Variants in RDX observed in about 807,000 individuals in gnomAD.
RDX encodes the protein deafness, autosomal recessive 24.
RDX carries 32 observed loss-of-function variants against 83.7 expected under a neutral mutation model. The observed-to-expected ratio is 0.38, with a 90% CI of 0.29 to 0.51. The LOEUF (loss-of-function observed/expected upper bound fraction) is 0.51. Ranked by LOEUF, RDX falls within the 20% of genes least tolerant of loss-of-function variation. The pLI, the probability that RDX is intolerant of heterozygous loss-of-function variation, is 0.87. For synonymous variants in RDX, 229 were observed against 222.7 expected (o/e 1.03, Z -0.25); for missense variants, 600 against 689.9 (o/e 0.87, Z 1.46).
chr11:110,253,959 T>C lies in RDX; in HGVS notation c.946A>G (p.Lys316Glu), dbSNP rs1283154489. Residue 316 changes from lysine (K) to glutamate (E), a missense_variant, in exon 9 of 14, where the codon AAG becomes GAG. Transcript: ENST00000645495. ...TAAACCCCATACCTTTCCAACTGCT[T>C]CTGATGTTTCTCCTCCCTAGCCTGA... is the stretch of plus-strand genomic sequence containing the variant. ...KAQAREEKHQ[K>E]QLERAQLENE... The C allele has an allele frequency of 6.2e-7, 1 of 1,613,480 alleles. No homozygotes were observed. The highest frequency in any genetic ancestry group is 8.5e-7 in the Non-Finnish European group (1 of 1,179,746).
At chr11:110,215,808 T>C (rs758340776) in intron 14 of RDX, among the ~76,000 whole-genome samples, 9 of 152,242 alleles carry the variant, frequency 5.9e-5, no homozygotes, top group Non-Finnish European at 1.2e-4. Context: ...ATGCGGAGTT[T>C]GCCACTGTGG....
At chr11:110,205,392 T>C (rs1243348588) in intron 14 of RDX, among the ~76,000 whole-genome samples, 1 of 40,518 alleles carries the variant, frequency 2.5e-5, no homozygotes, top group Non-Finnish European at 4.9e-5. Flanking sequence ...GAATAATTTA[T>C]AAATTAAGCT....
chr11:110,218,265 C>T (rs1035509001), intron 14 of RDX, among the ~76,000 whole-genome samples: 4 of 150,894 alleles, frequency 2.7e-5, no homozygotes, highest in Non-Finnish European at 4.4e-5. Context: ...GCAGAAGACA[C>T]ACAGTTAAGT....
intron 14 of RDX, among the ~76,000 whole-genome samples, chr11:110,216,532 AT>A (rs1048294109): frequency 7.6e-6 from 1 of 131,860 alleles, no homozygotes; most frequent in African/African-American, 2.9e-5. Context: ...TACCACACCA[AT>A]TTTTTTTCTT....
chr11:110,262,480 G>A (rs1186501823), intron 5 of RDX, among the ~76,000 whole-genome samples: 1 of 152,042 alleles, frequency 6.6e-6, no homozygotes, highest in African/African-American at 2.4e-5. Flanking sequence ...AGCTGCTCAG[G>A]AGGAGACTGA....
intron 3 of RDX, among the ~76,000 whole-genome samples, chr11:110,267,049 T>C (rs1278254343): frequency 6.6e-6 from 1 of 151,834 alleles, no homozygotes; most frequent in Non-Finnish European, 1.5e-5. Flanking sequence ...ACCACAGGCA[T>C]GCACCACCAA....
At chr11:110,281,673 C>T (rs1178731200) in intron 1 of RDX, among the ~76,000 whole-genome samples, 1 of 152,026 alleles carries the variant, frequency 6.6e-6, no homozygotes, top group African/African-American at 2.4e-5. Flanking sequence ...CTTATCATTT[C>T]CTAGCTTATT....
At chr11:110,244,486 T>C (rs903351355) in intron 10 of RDX, among the ~76,000 whole-genome samples, 1 of 152,026 alleles carries the variant, frequency 6.6e-6, no homozygotes, top group Non-Finnish European at 1.5e-5. Context: ...TTTTGCATGA[T>C]TCCATTCATA....
At chr11:110,272,449 G>A in intron 3 of RDX, 87 bp downstream of exon 3, 2 of 895,282 alleles carry the variant, frequency 2.2e-6, no homozygotes, top group Non-Finnish European at 1.8e-6. Context: ...TGGATTATCA[G>A]CAAAAGTACA....
Position 110,218,626 on chromosome 11 carries a change from AC to A in RDX, c.1748+13246del, listed in dbSNP as rs1317466259. Reference sequence around the variant, plus strand: ...TCATGATTTTCTAGTATTTCACGGTACTACCTTCTGAATCCCAAACTTTACG... The same window carrying A: ...TCATGATTTTCTAGTATTTCACGGTATACCTTCTGAATCCCAAACTTTACG... On this transcript the variant is annotated intron_variant, in intron 14 of 15. Coordinates refer to the RDX transcript ENST00000528498. Among the ~76,000 whole-genome samples the A allele has an allele frequency of 6.6e-5, 10 of 152,194 alleles. 1 individual carries two copies. Among genetic ancestry groups the A allele is most frequent in the Admixed American group, 3.3e-4 (5 of 15,266 alleles).
Position 110,231,984 on chromosome 11 carries a change from T to G in RDX, c.1637A>C (p.Gln546Pro). 1 of 1,614,172 alleles carries G rather than the reference T, an allele frequency of 6.2e-7. No homozygotes were observed. Residue 546 changes from glutamine to proline, a missense_variant, in exon 14 of 14, where the codon CAA becomes CCA. By Grantham distance (76) the Gln-to-Pro change is moderately conservative. Coordinates refer to ENST00000645495, the MANE Select transcript of RDX (RefSeq NM_002906.4). Reference sequence around the variant, plus strand: ...ATTCTCAGCATGAAGAACATCATTTTGTGTTTTCTTGGTTTCATCTCTGGC... The same window carrying G: ...ATTCTCAGCATGAAGAACATCATTTGGTGTTTTCTTGGTTTCATCTCTGGC... ...AQARDETKKT[Q>P]NDVLHAENVK...
chr11:110,182,148 C>T (rs1007337559), intron 15 of RDX, among the ~76,000 whole-genome samples: 2 of 152,220 alleles, frequency 1.3e-5, no homozygotes, highest in African/African-American at 4.8e-5. Flanking sequence ...GAGCTCTCAG[C>T]GAGTGAGGAC....
chr11:110,232,475 CATA>C (rs1384932637), intron 13 of RDX, among the ~76,000 whole-genome samples: 1 of 152,056 alleles, frequency 6.6e-6, no homozygotes, highest in Non-Finnish European at 1.5e-5. Flanking sequence ...AAAGAAAGCT[CATA>C]ATATTAAAAT....
intron 8 of RDX, among the ~76,000 whole-genome samples, chr11:110,254,640 T>A (rs1420522937): frequency 6.6e-6 from 1 of 152,026 alleles, no homozygotes; most frequent in East Asian, 1.9e-4. Context: ...CACATCTGAC[T>A]AATATTTGTA....
At chr11:110,266,262 A>G (rs927871926) in intron 3 of RDX, among the ~76,000 whole-genome samples, 4 of 151,830 alleles carry the variant, frequency 2.6e-5, no homozygotes, top group Non-Finnish European at 5.9e-5. Context: ...GAACCCGGGA[A>G]GCGGAGCTTG....
At chr11:110,281,720 T>C (rs1417457762) in intron 1 of RDX, among the ~76,000 whole-genome samples, 2 of 152,092 alleles carry the variant, frequency 1.3e-5, no homozygotes, top group Non-Finnish European at 2.9e-5. Context: ...AACCTAAATG[T>C]ATTTCAGTCC....
In RDX at chr11:110,293,376, C is replaced by T. The variant is rs542991798; in HGVS notation, c.-65+3091G>A. ...TTAAACTTTGCCATAAAATATATCACTTTTATAGTTTTTTTTAAATGGCTT... is the reference window on the plus strand; with the variant it reads ...TTAAACTTTGCCATAAAATATATCATTTTTATAGTTTTTTTTAAATGGCTT... On this transcript the variant is annotated intron_variant, in intron 1 of 13. Transcript: ENST00000645495. Among the ~76,000 whole-genome samples the T allele has an allele frequency of 9.3e-4, 141 of 152,084 alleles. 1 individual carries two copies. In the South Asian group the frequency reaches 0.028, roughly 30 times the overall value.
At chr11:110,248,670 A>G (rs532509672) in intron 9 of RDX, among the ~76,000 whole-genome samples, 2 of 152,338 alleles carry the variant, frequency 1.3e-5, no homozygotes, top group East Asian at 1.9e-4. Context: ...TGTCAGCACC[A>G]AAAGAGTTAA....
chr11:110,280,257 T>C (rs1434489242), intron 1 of RDX, among the ~76,000 whole-genome samples: 1 of 152,206 alleles, frequency 6.6e-6, no homozygotes, highest in African/African-American at 2.4e-5. Flanking sequence ...TTTTTTTATT[T>C]TTTTAAAGAT....
Sources: gnomAD v4.1 joint callset for allele counts (sites outside exome capture counted in the v4.1 genomes callset) on GRCh38, gnomAD v4.1.1 for gene constraint, MANE v1.5 for transcripts, NCBI Gene and HGNC (gene_info 2026-07-23, HGNC 2026-07-21) for gene names.